The following METTL21A variants were observed in gnomAD, a reference collection of about 807,000 sequenced individuals.
The protein encoded by METTL21A is protein N-lysine methyltransferase METTL21A.
Under a neutral mutation model 20.9 loss-of-function variants are expected in METTL21A, and 22 were observed. That is an observed-to-expected ratio of 1.05 (90% CI 0.75 to 1.50). The LOEUF (loss-of-function observed/expected upper bound fraction) is 1.50, where lower values mean the gene tolerates loss of function less well. METTL21A is among the 40% of genes most tolerant of loss of function. The probability of loss-of-function intolerance (pLI) is 0.00; values close to 1 mark genes in which losing one functional copy is unlikely to be tolerated. For missense variants in METTL21A, 271 were observed against 266.8 expected, an observed-to-expected ratio of 1.02 and a Z score of -0.11; for synonymous variants, 93 against 102.0, an observed-to-expected ratio of 0.91 and a Z score of 0.53.
At chr2:207,589,285 A>G (rs890808144) in intron 3 of METTL21A, among the ~76,000 whole-genome samples, 1 of 152,122 alleles carries the variant, frequency 6.6e-6, no homozygotes, top group Non-Finnish European at 1.5e-5. Flanking sequence ...TAGCTTCTAG[A>G]GGCCACCCAC....
intron 3 of METTL21A, chr2:207,598,572 C>T (rs950167788): frequency 2.3e-5 from 4 of 176,172 alleles, no homozygotes; most frequent in African/African-American, 4.7e-5. Flanking sequence ...TGGAGCCGGG[C>T]GCAGTGGCTC....
intron 3 of METTL21A, among the ~76,000 whole-genome samples, chr2:207,594,831 C>G (rs2085788726): frequency 6.6e-6 from 1 of 152,080 alleles, no homozygotes; most frequent in Admixed American, 6.5e-5. Context: ...TTTTACATTC[C>G]TACCAACAGT....
chr2:207,613,442 A>C, exon 4 of METTL21A: 1 of 1,575,848 alleles, frequency 6.3e-7, no homozygotes, highest in Non-Finnish European at 8.6e-7. Flanking sequence ...TCACATGAGC[A>C]CCTACAATGT....
downstream of METTL21A, among the ~76,000 whole-genome samples, chr2:207,606,399 T>C (rs2088109403): frequency 6.6e-6 from 1 of 152,128 alleles, no homozygotes; most frequent in Admixed American, 6.5e-5. Context: ...GGAGAATCAC[T>C]TGAACCCAGG....
intron 3 of METTL21A, chr2:207,620,712 C>T (rs1434801667): frequency 1.5e-5 from 23 of 1,530,910 alleles, no homozygotes; most frequent in South Asian, 7.2e-5. Flanking sequence ...TGAAGACGGA[C>T]GGAAACCTCT....
downstream of METTL21A, chr2:207,581,431 C>T (rs1190681329): frequency 5.0e-6 from 1 of 201,102 alleles, no homozygotes; most frequent in Non-Finnish European, 1.0e-5. Flanking sequence ...AGAGTATTTA[C>T]ATTACTATCA....
downstream of METTL21A, among the ~76,000 whole-genome samples, chr2:207,604,825 CAT>C (rs1387016167): frequency 1.3e-5 from 2 of 152,240 alleles, no homozygotes; most frequent in Admixed American, 1.3e-4. Flanking sequence ...ATGTGAGACT[CAT>C]ACACTGTGTA....
intron 3 of METTL21A, among the ~76,000 whole-genome samples, chr2:207,620,313 C>T (rs1312508305): frequency 6.6e-6 from 1 of 152,112 alleles, no homozygotes; most frequent in Non-Finnish European, 1.5e-5. Flanking sequence ...CGTGGTGGCA[C>T]ATGCCTGTAG....
chr2:207,603,429 C>T (rs2087461350), intron 3 of METTL21A: 1 of 224,306 alleles, frequency 4.5e-6, no homozygotes, highest in East Asian at 6.5e-5. Flanking sequence ...CTTTTAAAAA[C>T]TCTGTAAGTC....
At chr2:207,616,195 A>T (rs899912003) in intron 3 of METTL21A, among the ~76,000 whole-genome samples, 27 of 152,130 alleles carry the variant, frequency 1.8e-4, no homozygotes, top group African/African-American at 6.0e-4. Context: ...AAAAAAAAAA[A>T]ATGCAGACAG....
intron 3 of METTL21A, among the ~76,000 whole-genome samples, chr2:207,615,890 C>G (rs1438875012): frequency 6.6e-6 from 1 of 151,836 alleles, no homozygotes; most frequent in African/African-American, 2.4e-5. Context: ...TTCTTAATAG[C>G]CAATGTCTCT....
At chr2:207,603,700 G>C (rs1255005506) in intron 3 of METTL21A, among the ~76,000 whole-genome samples, 3 of 152,160 alleles carry the variant, frequency 2.0e-5, no homozygotes, top group Non-Finnish European at 4.4e-5. Flanking sequence ...CATACGACCA[G>C]CTGTGTCTGA....
chr2:207,620,543 C>T (rs1441376331), intron 3 of METTL21A: 1 of 866,804 alleles, frequency 1.2e-6, no homozygotes, highest in African/African-American at 1.7e-5. Context: ...GTGATCAGGA[C>T]TTCAGAAAGT....
At chr2:207,612,165 T>A (rs1374957579), downstream of METTL21A, 12 of 127,252 alleles carry the variant, frequency 9.4e-5, no homozygotes, top group Admixed American at 3.0e-4. Context: ...AATGGTGCAA[T>A]CTCAGCTCAC....
At chr2:207,597,264 A>C in intron 3 of METTL21A, 1 of 477,702 alleles carries the variant, frequency 2.1e-6, no homozygotes, top group Non-Finnish European at 3.5e-6. Context: ...TCCCCTCAAG[A>C]AATTTTCAAC....
At chr2:207,612,892 G>A in exon 4 of METTL21A, 2 of 709,250 alleles carry the variant, frequency 2.8e-6, no homozygotes, top group Non-Finnish European at 4.5e-6. Flanking sequence ...ACAAAGCACT[G>A]CTTTGTTTTA....
chr2:207,616,976 G>T (rs568032021), intron 3 of METTL21A, among the ~76,000 whole-genome samples: 1 of 152,142 alleles, frequency 6.6e-6, no homozygotes, highest in Admixed American at 6.6e-5. Context: ...GCAGGGAGTC[G>T]GTGTCAACCG....
intron 3 of METTL21A, among the ~76,000 whole-genome samples, chr2:207,588,873 G>T: frequency 7.6e-6 from 1 of 131,310 alleles, no homozygotes; most frequent in South Asian, 2.6e-4. Flanking sequence ...TTACTTATTA[G>T]TTCTAGGAGC....
At chr2:207,599,332 C>T (rs2106636835) in intron 3 of METTL21A, 1 of 206,570 alleles carries the variant, frequency 4.8e-6, no homozygotes, top group Admixed American at 5.9e-5. Flanking sequence ...TTTATTGAGT[C>T]AAAATGTCGA....
Sources: gnomAD v4.1 joint callset for allele counts (sites outside exome capture counted in the v4.1 genomes callset) on GRCh38, gnomAD v4.1.1 for gene constraint, MANE v1.5 for transcripts, NCBI Gene and HGNC (gene_info 2026-07-23, HGNC 2026-07-21) for gene names.